The following ERBB4 variants were observed in gnomAD, a reference collection of about 807,000 sequenced individuals.
ERBB4 encodes receptor tyrosine-protein kinase erbB-4.
ERBB4 carries 42 observed loss-of-function variants against 158.0 expected under a neutral mutation model. The ratio of observed to expected loss-of-function variants is 0.27; its 90% CI spans 0.21 to 0.34. The LOEUF is 0.34. Ranked by LOEUF, ERBB4 falls within the 10% of genes least tolerant of loss-of-function variation. ERBB4 has a pLI of 1.00. For missense variants in ERBB4, 1,333 were observed against 1,624.1 expected, an observed-to-expected ratio of 0.82 and a Z score of 3.08; for synonymous variants, 583 against 558.7, an observed-to-expected ratio of 1.04 and a Z score of -0.61.
At chr2:211,595,477 T>C (rs2068602535) in intron 19 of ERBB4, among the ~76,000 whole-genome samples, 1 of 151,736 alleles carries the variant, frequency 6.6e-6, no homozygotes, top group African/African-American at 2.4e-5. Flanking sequence ...GATGAGAGGG[T>C]CTTGTAAATC....
intron 1 of ERBB4, among the ~76,000 whole-genome samples, chr2:212,266,068 C>T (rs577194238): frequency 6.4e-4 from 98 of 152,038 alleles, no homozygotes; most frequent in African/African-American, 2.3e-3. Flanking sequence ...AATCATATCA[C>T]AGTTTGAGTG....
At chr2:211,869,165 C>T (rs773350029) in intron 3 of ERBB4, among the ~76,000 whole-genome samples, 3 of 152,152 alleles carry the variant, frequency 2.0e-5, no homozygotes, top group South Asian at 2.1e-4. Context: ...CTGCCAAGAA[C>T]GAACTCTGTA....
chr2:211,893,045 A>G (rs2079010152), intron 3 of ERBB4, among the ~76,000 whole-genome samples: 2 of 148,454 alleles, frequency 1.3e-5, no homozygotes, highest in South Asian at 4.2e-4. Context: ...TCCTCACAGA[A>G]TTGGAAAAAA....
rs1356733469 is a variant in ERBB4 at position 212,412,054 on chromosome 2, T to C, written c.82+126395A>G. 3.9e-5 allele frequency among the ~76,000 whole-genome samples: 6 copies of C among 152,092 alleles called. No individual in the cohort carries two copies. The South Asian group carries it at 6.2e-4, about 16-fold the overall frequency. ...CTTTCTCACATATCAGTCCACCATA[T>C]CCTGCAAACCCTCTCTTTAATTTTC... On this transcript the variant is annotated intron_variant, in intron 1 of 27. Transcript: ENST00000342788.
chr2:212,482,273 A>G (rs1248316964), intron 1 of ERBB4, among the ~76,000 whole-genome samples: 2 of 152,246 alleles, frequency 1.3e-5, no homozygotes, highest in Non-Finnish European at 2.9e-5. Flanking sequence ...AATGTGTTAA[A>G]GTCTGCAGAA....
chr2:212,436,866 G>T (rs2092147860), intron 1 of ERBB4, among the ~76,000 whole-genome samples: 1 of 152,016 alleles, frequency 6.6e-6, no homozygotes, highest in South Asian at 2.1e-4. Flanking sequence ...AAGAATGGAA[G>T]TGGGTAGAGC....
At chr2:212,193,914 C>T (rs1008684902) in intron 1 of ERBB4, among the ~76,000 whole-genome samples, 11 of 151,934 alleles carry the variant, frequency 7.2e-5, no homozygotes, top group African/African-American at 2.2e-4. Flanking sequence ...TATCTAAATA[C>T]TAAGGTTATT....
intron 12 of ERBB4, among the ~76,000 whole-genome samples, chr2:211,686,358 T>C (rs1485772630): frequency 1.3e-5 from 2 of 152,172 alleles, no homozygotes; most frequent in Non-Finnish European, 2.9e-5. Flanking sequence ...TCAATTGACA[T>C]GATAATGAAT....
intron 2 of ERBB4, among the ~76,000 whole-genome samples, chr2:212,062,775 A>G (rs909101414): frequency 6.6e-6 from 1 of 152,130 alleles, no homozygotes; most frequent in Non-Finnish European, 1.5e-5. Flanking sequence ...AATTTTGAGA[A>G]TCTCAGATCA....
intron 2 of ERBB4, among the ~76,000 whole-genome samples, chr2:212,042,136 T>G (rs2077156264): frequency 6.6e-6 from 1 of 152,060 alleles, no homozygotes; most frequent in Non-Finnish European, 1.5e-5. Context: ...TGATTTCAAA[T>G]TCAGTATGGG....
At chr2:211,615,332 T>TA (rs147546875) in intron 19 of ERBB4, among the ~76,000 whole-genome samples, 4,028 of 147,760 alleles carry the variant, frequency 0.027, 94 homozygotes, top group Non-Finnish European at 0.039. Context: ...TTTGTGGATT[T>TA]AAAAAAAAAA....
chr2:211,910,374 C>G (rs997530332), intron 3 of ERBB4, among the ~76,000 whole-genome samples: 4 of 147,316 alleles, frequency 2.7e-5, no homozygotes, highest in Non-Finnish European at 3.0e-5. Context: ...TGAGACCTTT[C>G]CCAAGATCAC....
rs540513652 is a variant in ERBB4, at chr2:212,417,208, T to C, written c.82+121241A>G. Among the ~76,000 whole-genome samples, 12 of 152,136 alleles carry C rather than the reference T, an allele frequency of 7.9e-5. No homozygotes were observed. The South Asian group carries it at 2.5e-3, about 32-fold the overall frequency. On this transcript the variant is annotated intron_variant, in intron 1 of 27. Coordinates refer to ENST00000342788, the MANE Select transcript of ERBB4 (RefSeq NM_005235.3). ...AAGCAAATGGTAGATAAATATTTAT[T>C]TTGTAATTTATTTTATACTTCTTAG...
At chr2:212,049,906 C>A (rs946908977) in intron 2 of ERBB4, among the ~76,000 whole-genome samples, 3 of 152,138 alleles carry the variant, frequency 2.0e-5, no homozygotes, top group Non-Finnish European at 4.4e-5. Context: ...CTGCACTTCA[C>A]ATATCATTTT....
At chr2:212,055,002 T>C (rs1575572791) in intron 2 of ERBB4, among the ~76,000 whole-genome samples, 1 of 151,876 alleles carries the variant, frequency 6.6e-6, no homozygotes, top group South Asian at 2.1e-4. Flanking sequence ...TAGGGTGAGG[T>C]ATCTCCTCAC....
At chr2:211,913,539 T>G (rs554809862) in intron 3 of ERBB4, among the ~76,000 whole-genome samples, 1 of 151,726 alleles carries the variant, frequency 6.6e-6, no homozygotes, top group South Asian at 2.1e-4. Context: ...AGGTGGAGGT[T>G]GCAGTGAGCC....
At chr2:211,832,668 G>A (rs910337261) in intron 3 of ERBB4, among the ~76,000 whole-genome samples, 1 of 150,710 alleles carries the variant, frequency 6.6e-6, no homozygotes, top group Non-Finnish European at 1.5e-5. Context: ...TGTATCAGAA[G>A]GGGTTAGATT....
At chr2:212,391,517 C>T (rs961219400) in intron 1 of ERBB4, among the ~76,000 whole-genome samples, 1 of 148,206 alleles carries the variant, frequency 6.7e-6, no homozygotes, top group African/African-American at 2.5e-5. Flanking sequence ...AATATTTAGA[C>T]CTTCTGCATT....
rs190972115 is a variant in ERBB4, at chr2:212,513,506, A to T, written c.82+24943T>A. Among the ~76,000 whole-genome samples the T allele has an allele frequency of 1.0e-3, 157 of 152,316 alleles. 1 individual carries two copies. The highest frequency in any genetic ancestry group is 3.6e-3 in the African/African-American group (149 of 41,574). On this transcript the variant is annotated intron_variant, in intron 1 of 27. Coordinates refer to ENST00000342788, the MANE Select transcript of ERBB4 (RefSeq NM_005235.3). The stretch of plus-strand genomic sequence containing the variant: ...CCCATTTTAAATATGAGAGTAAAAC[A>T]CAAAGAAGTTAATTAAGTTTTCAAG...
Sources: allele counts gnomAD v4.1 joint callset (sites outside exome capture counted in the v4.1 genomes callset), GRCh38; gene constraint gnomAD v4.1.1; transcripts MANE v1.5; gene names NCBI Gene and HGNC (gene_info 2026-07-23, HGNC 2026-07-21).